The following CYP2C19 variants were observed in gnomAD, a reference collection of about 807,000 sequenced individuals.
CYP2C19 encodes cytochrome P450 2C19.
CYP2C19 carries 59 observed loss-of-function variants against 40.9 expected under a neutral mutation model. The observed-to-expected ratio is 1.44, with a 90% CI of 1.17 to 1.79. CYP2C19 has a LOEUF of 1.79. Among genes scored for constraint, CYP2C19 ranks in the 40% most tolerant of loss-of-function variants. CYP2C19 has a pLI of 0.00. For missense variants in CYP2C19, 754 were observed against 596.9 expected (o/e 1.26, Z -2.74); for synonymous variants, 253 against 208.7 (o/e 1.21, Z -1.83).
At chr10:94,833,125 C>T (rs1849356552) in intron 6 of CYP2C19, among the ~76,000 whole-genome samples, 1 of 152,156 alleles carries the variant, frequency 6.6e-6, no homozygotes, top group South Asian at 2.1e-4. Context: ...TTCAACTTTA[C>T]AGAATTTGTT....
intron 7 of CYP2C19, among the ~76,000 whole-genome samples, chr10:94,846,448 G>C (rs1400590017): frequency 6.6e-6 from 1 of 152,142 alleles, no homozygotes; most frequent in Non-Finnish European, 1.5e-5. Flanking sequence ...GTTGGAATCT[G>C]CCAGATCTCT....
chr10:94,837,272 C>A (rs538456335), intron 6 of CYP2C19, among the ~76,000 whole-genome samples: 1 of 152,084 alleles, frequency 6.6e-6, no homozygotes, highest in African/African-American at 2.4e-5. Context: ...GCTTTTAGGT[C>A]CTTAACAATC....
chr10:94,809,089 A>G (rs1199015256), intron 5 of CYP2C19, among the ~76,000 whole-genome samples: 2 of 152,188 alleles, frequency 1.3e-5, no homozygotes, highest in African/African-American at 4.8e-5. Flanking sequence ...CATCCTTACC[A>G]GCATATGTTA....
chr10:94,778,818 G>C (rs895797689), intron 3 of CYP2C19, among the ~76,000 whole-genome samples: 3 of 152,158 alleles, frequency 2.0e-5, no homozygotes, highest in Non-Finnish European at 4.4e-5. Flanking sequence ...ACAAACGTAT[G>C]TTTATTGCAG....
Position 94,768,451 on chromosome 10 carries a change from G to A in CYP2C19, c.168+5578G>A, listed in dbSNP as rs11528085. Among the ~76,000 whole-genome samples the A allele has an allele frequency of 1.9e-3, 286 of 152,260 alleles. 15 individuals are homozygous for A. In the East Asian group the frequency reaches 0.046, roughly 25 times the overall value. Reference sequence around the variant, plus strand: ...ATTTGTTGGCAGTCATGATACCTTGGTTCCCCATCCTCTGGGAGAAAAGTG... The same window carrying A: ...ATTTGTTGGCAGTCATGATACCTTGATTCCCCATCCTCTGGGAGAAAAGTG... On this transcript the variant is annotated intron_variant, in intron 1 of 8. Coordinates refer to ENST00000371321, the MANE Select transcript of CYP2C19 (RefSeq NM_000769.4).
chr10:94,832,494 A>G (rs1055817659), intron 6 of CYP2C19, among the ~76,000 whole-genome samples: 1 of 152,162 alleles, frequency 6.6e-6, no homozygotes, highest in Non-Finnish European at 1.5e-5. Context: ...TGTGGGGATT[A>G]TTACAATTCA....
intron 1 of CYP2C19, among the ~76,000 whole-genome samples, chr10:94,764,919 G>A (rs1047321941): frequency 1.8e-4 from 27 of 152,102 alleles, no homozygotes; most frequent in African/African-American, 6.0e-4. Flanking sequence ...GATTTCAGAA[G>A]CCATTTCCTG....
intron 8 of CYP2C19, among the ~76,000 whole-genome samples, chr10:94,852,040 A>T (rs942549510): frequency 6.6e-6 from 1 of 152,206 alleles, no homozygotes; most frequent in Non-Finnish European, 1.5e-5. Flanking sequence ...GTTCAAAAGG[A>T]GAAGCATGAT....
At chr10:94,778,859 A>G (rs1848445261) in intron 3 of CYP2C19, among the ~76,000 whole-genome samples, 1 of 152,180 alleles carries the variant, frequency 6.6e-6, no homozygotes, top group Non-Finnish European at 1.5e-5. Flanking sequence ...ACTTGGAACC[A>G]ACCCAAATGC....
Position 94,780,499 on chromosome 10 carries a change from C to T in CYP2C19, c.482C>T (p.Ala161Val). ...CLVEELRKTK[A>V]SPCDPTFILG... ...TTTAAAATTGTTTCCAATCATTTAG[C>T]TTCACCCTGTGATCCCACTTTCATC... Residue 161 changes from alanine (A) to valine (V), a missense_variant and splice_region_variant, in exon 4 of 9, where the codon GCT (alanine) becomes GTT (valine). Coordinates refer to ENST00000371321, the MANE Select transcript of CYP2C19 (RefSeq NM_000769.4). The T allele has an allele frequency of 1.2e-6, 2 of 1,613,206 alleles. No individual in the cohort carries two copies. Among genetic ancestry groups the T allele is most frequent in the Non-Finnish European group, 1.7e-6 (2 of 1,179,848 alleles).
intron 5 of CYP2C19, among the ~76,000 whole-genome samples, chr10:94,813,354 A>C (rs1383939639): frequency 6.6e-6 from 1 of 151,870 alleles, no homozygotes; most frequent in Admixed American, 6.6e-5. Context: ...AGGCAGGAAC[A>C]TTTAAGTCTG....
intron 6 of CYP2C19, among the ~76,000 whole-genome samples, chr10:94,835,581 T>A (rs757536867): frequency 1.3e-4 from 20 of 152,050 alleles, no homozygotes; most frequent in Non-Finnish European, 2.4e-4. Flanking sequence ...CCCTTCTATT[T>A]TCCTTTCCTT....
chr10:94,832,443 C>G (rs996897341), intron 6 of CYP2C19, among the ~76,000 whole-genome samples: 2 of 152,192 alleles, frequency 1.3e-5, no homozygotes, highest in Non-Finnish European at 2.9e-5. Context: ...GGGGAAACCA[C>G]CCCATGTTTC....
At chr10:94,812,384 G>A (rs1183301199) in intron 5 of CYP2C19, among the ~76,000 whole-genome samples, 1 of 151,392 alleles carries the variant, frequency 6.6e-6, no homozygotes, top group Non-Finnish European at 1.5e-5. Context: ...TATCATTGTG[G>A]GTGTTTTCTG....
rs374825809 is a variant in CYP2C19, at chr10:94,775,355, G to T, written c.332-35G>T. 6.2e-6 allele frequency: 10 copies of T among 1,612,744 alleles called. No individual in the cohort carries two copies. In the African/African-American group the frequency reaches 1.3e-4, roughly 22 times the overall value. ...TGTCAGCTTCCTCTTTCTTGCCTGG[G>T]ATCTCCCTCCTAGTTTCGTTTCTCT... is the stretch of plus-strand genomic sequence containing the variant. On this transcript the variant is annotated intron_variant, in intron 2 of 8. Transcript: ENST00000371321.
intron 6 of CYP2C19, among the ~76,000 whole-genome samples, chr10:94,829,449 GCTC>G (rs1219572910): frequency 6.6e-6 from 1 of 152,052 alleles, no homozygotes; most frequent in Non-Finnish European, 1.5e-5. Flanking sequence ...GATCGCATTG[GCTC>G]CTGAGACTTC....
At chr10:94,833,308 G>A (rs1406731170) in intron 6 of CYP2C19, among the ~76,000 whole-genome samples, 2 of 152,060 alleles carry the variant, frequency 1.3e-5, no homozygotes, top group African/African-American at 4.8e-5. Context: ...GAATAACAAT[G>A]GCAATAGTGG....
intron 6 of CYP2C19, among the ~76,000 whole-genome samples, chr10:94,832,531 C>A (rs1471191099): frequency 6.6e-6 from 1 of 152,130 alleles, no homozygotes; most frequent in Non-Finnish European, 1.5e-5. Context: ...GGGGACACAG[C>A]CAAACCATGT....
intron 1 of CYP2C19, among the ~76,000 whole-genome samples, chr10:94,768,038 T>A (rs1268244741): frequency 6.6e-6 from 1 of 152,186 alleles, no homozygotes; most frequent in Non-Finnish European, 1.5e-5. Flanking sequence ...GCCACCACCT[T>A]GGGTTTTTGC....
Sources: allele counts gnomAD v4.1 joint callset (sites outside exome capture counted in the v4.1 genomes callset), GRCh38; gene constraint gnomAD v4.1.1; transcripts MANE v1.5; gene names NCBI Gene and HGNC (gene_info 2026-07-23, HGNC 2026-07-21).